Variants in RPGRIP1 observed in about 807,000 individuals in gnomAD.
The protein encoded by RPGRIP1 is X-linked retinitis pigmentosa GTPase regulator-interacting protein 1.
RPGRIP1 carries 128 observed loss-of-function variants against 157.9 expected under a neutral mutation model. That is an observed-to-expected ratio of 0.81 (90% CI 0.70 to 0.94). The LOEUF (loss-of-function observed/expected upper bound fraction) is 0.94, where lower values mean the gene tolerates loss of function less well. RPGRIP1 is among the 40% of genes least tolerant of loss of function. The pLI, the probability that RPGRIP1 is intolerant of heterozygous loss-of-function variation, is 0.00. For missense variants in RPGRIP1, 1,486 were observed against 1,545.8 expected (o/e 0.96, Z 0.65); for synonymous variants, 554 against 571.6 (o/e 0.97, Z 0.44).
In RPGRIP1 at chr14:21,350,387, A is replaced by ACAAAC. The variant is rs1555307762; in HGVS notation, c.3749-717_3749-716insCAAAC. Among the ~76,000 whole-genome samples, 17 of 16,626 alleles carry ACAAAC rather than the reference A, an allele frequency of 1.0e-3. 1 individual carries two copies. The highest frequency in any genetic ancestry group is 2.2e-3 in the Non-Finnish European group (10 of 4,636). The allele number at this position is 16,626 out of a possible 152,430, so 10.9% of individuals were successfully genotyped here. ...CAAGACTCTGTCTCCAAAAAAAAAAAAAAAAAAAAGAAAACAGGAATTAAG... is the reference window on the plus strand; with the variant it reads ...CAAGACTCTGTCTCCAAAAAAAAAAACAAACAAAAAAAAAGAAAACAGGAATTAAG... On this transcript the variant is annotated intron_variant, in intron 24 of 24. Transcript: ENST00000400017.
chr14:21,313,760 C>A (rs1881642712), intron 10 of RPGRIP1, among the ~76,000 whole-genome samples: 2 of 150,242 alleles, frequency 1.3e-5, no homozygotes, highest in South Asian at 2.1e-4. Flanking sequence ...TGGACTTCAG[C>A]CTGGGTGGCA....
chr14:21,308,485 T>C (rs945526586), intron 7 of RPGRIP1, among the ~76,000 whole-genome samples: 1 of 151,982 alleles, frequency 6.6e-6, no homozygotes, highest in Non-Finnish European at 1.5e-5. Flanking sequence ...AGAAAACAAG[T>C]AAACAAATTC....
intron 2 of RPGRIP1, among the ~76,000 whole-genome samples, chr14:21,291,000 CA>C (rs34237756): frequency 0.011 from 1,000 of 90,278 alleles, 6 homozygotes; most frequent in African/African-American, 0.036. Context: ...GACTCCATCT[CA>C]AAAAAAAAAA....
chr14:21,327,326 C>A (rs951581903), intron 17 of RPGRIP1, among the ~76,000 whole-genome samples: 2 of 152,122 alleles, frequency 1.3e-5, no homozygotes, highest in Admixed American at 6.6e-5. Flanking sequence ...AATAATGCAG[C>A]CTTGTTCATT....
chr14:21,317,901 G>A (rs1285403549), intron 11 of RPGRIP1, 51 bp downstream of exon 11: 4 of 1,483,352 alleles, frequency 2.7e-6, no homozygotes, highest in African/African-American at 2.8e-5. Context: ...TCTACCTCTG[G>A]TTTGGGAGAA....
rs372615343 is a variant in RPGRIP1, at chr14:21,307,738, A to T, written c.808A>T (p.Ile270Phe). 6.4e-7 allele frequency: 1 copy of T among 1,557,168 alleles called. No individual in the cohort carries two copies. Among genetic ancestry groups the T allele is most frequent in the Non-Finnish European group, 8.7e-7 (1 of 1,147,846 alleles). Residue 270 changes from isoleucine (I) to phenylalanine (F), a missense_variant, in exon 7 of 25, where the codon ATT becomes TTT. Transcript: ENST00000400017. ...TAGCGCCTTTCTCTGCAGAGCTTCC[A>T]TTAAAGAGAAGGTAGAGCTGATTCG... ...AQKAAELRAS[I>F]KEKVELIRLK...
At chr14:21,316,922 C>T (rs960784144) in intron 10 of RPGRIP1, among the ~76,000 whole-genome samples, 2 of 151,898 alleles carry the variant, frequency 1.3e-5, no homozygotes, top group African/African-American at 4.8e-5. Context: ...GAGTTCAAGA[C>T]CAGCACAGCC....
At chr14:21,288,706 G>T (rs997608656) in intron 2 of RPGRIP1, among the ~76,000 whole-genome samples, 31 of 146,178 alleles carry the variant, frequency 2.1e-4, no homozygotes, top group African/African-American at 7.4e-4. Context: ...TACAGATGGG[G>T]TTTCACCATG....
chr14:21,334,717 G>A lies in RPGRIP1; in HGVS notation c.3339+12G>A, dbSNP rs377219564. 4.1e-5 allele frequency: 62 copies of A among 1,497,290 alleles called. No individual in the cohort carries two copies. Among genetic ancestry groups the A allele is most frequent in the Non-Finnish European group, 5.3e-5 (58 of 1,085,784 alleles). 92.8% of individuals were successfully genotyped at this position (1,497,290 alleles called of 1,614,324 possible). On this transcript the variant is annotated intron_variant, in intron 21 of 24. Transcript: ENST00000400017. ...AATATCCTAAGGCAGTAAGTACACT[G>A]GAGTAATCATTGCATACGAGATAAG... is the stretch of plus-strand genomic sequence containing the variant.
At chr14:21,283,715 T>C (rs1439773438) in intron 1 of RPGRIP1, among the ~76,000 whole-genome samples, 1 of 151,906 alleles carries the variant, frequency 6.6e-6, no homozygotes, top group East Asian at 1.9e-4. Context: ...TGGAGTGCAG[T>C]GGCACGATCT....
intron 13 of RPGRIP1, among the ~76,000 whole-genome samples, 162 bp from the exon 14 acceptor site, chr14:21,321,692 A>G (rs1445945153): frequency 1.3e-5 from 2 of 152,190 alleles, no homozygotes; most frequent in Non-Finnish European, 2.9e-5. Flanking sequence ...TGATAGCACA[A>G]CTAGTCTTGG....
At chr14:21,348,704 C>T (rs528616243) in intron 24 of RPGRIP1, among the ~76,000 whole-genome samples, 91 of 137,254 alleles carry the variant, frequency 6.6e-4, no homozygotes, top group Non-Finnish European at 1.1e-3. Flanking sequence ...CTCACTCTGT[C>T]GCCCAGGCTG....
chr14:21,307,300 C>T (rs111979916), intron 6 of RPGRIP1, among the ~76,000 whole-genome samples: 4 of 152,140 alleles, frequency 2.6e-5, no homozygotes, highest in South Asian at 2.1e-4. Flanking sequence ...GCCATCTGCC[C>T]GCCTCAGCCT....
Position 21,324,760 on chromosome 14 carries a change from C to A in RPGRIP1, c.1905C>A (p.Ala635=). 2 of 1,614,066 alleles carry A rather than the reference C, an allele frequency of 1.2e-6. No homozygotes were observed. The highest frequency in any genetic ancestry group is 1.7e-6 in the Non-Finnish European group (2 of 1,179,904). The part of the protein sequence containing the change: ...ENLFELHIHQ[A]FLTSAALAQA... ...TTTTTGAACTGCACATCCACCAGGC[C>A]TTCCTGACATCTGCCGCCCTAGCTC... The change falls in exon 15 of 25, where the codon GCC becomes GCA. Residue 635 remains alanine (A), a synonymous_variant. Coordinates refer to ENST00000400017, the MANE Select transcript of RPGRIP1 (RefSeq NM_020366.4).
intron 23 of RPGRIP1, among the ~76,000 whole-genome samples, chr14:21,347,937 G>C (rs1885731770): frequency 6.6e-6 from 1 of 152,054 alleles, no homozygotes; most frequent in African/African-American, 2.4e-5. Context: ...ATGTTACCCA[G>C]GCTGGTCTTG....
chr14:21,317,882 G>A lies in RPGRIP1; in HGVS notation c.1306+32G>A, dbSNP rs149665600. The A allele has an allele frequency of 1.5e-4, 237 of 1,565,970 alleles. No individual in the cohort carries two copies. The African/African-American group carries it at 3.0e-3, about 20-fold the overall frequency. On this transcript the variant is annotated intron_variant, in intron 11 of 24. Coordinates refer to ENST00000400017, the MANE Select transcript of RPGRIP1 (RefSeq NM_020366.4). The stretch of plus-strand genomic sequence containing the variant: ...TGGACCTTGAAGAGCTCTCTCAAAT[G>A]TGGCATCCTCTACCTCTGGTTTGGG...
Position 21,334,670 on chromosome 14 carries a change from A to G in RPGRIP1, c.3304A>G (p.Ile1102Val). 1 of 1,608,682 alleles carries G rather than the reference A, an allele frequency of 6.2e-7. No homozygotes were observed. The highest frequency in any genetic ancestry group is 1.1e-5 in the South Asian group (1 of 90,004). The change falls in exon 21 of 25, where the codon ATA (isoleucine) becomes GTA (valine). Residue 1102 changes from isoleucine (I) to valine (V), a missense_variant. By Grantham distance (29) the Ile-to-Val change is conservative. Transcript: ENST00000400017. ...EAQTTDSDDV[I>V]VPPMSQKYPK... ...ACAAACTACCGACAGTGATGATGTC[A>G]TAGTGCCACCCATGTCTCAGAAATA...
intron 2 of RPGRIP1, among the ~76,000 whole-genome samples, chr14:21,293,706 G>A (rs936580372): frequency 5.9e-5 from 9 of 152,000 alleles, no homozygotes; most frequent in Non-Finnish European, 1.0e-4. Context: ...GAGAAACCCC[G>A]TCTCTACTAA....
At chr14:21,319,871 C>T (rs1055372735) in intron 11 of RPGRIP1, 146 bp from the exon 12 acceptor site, 8 of 822,628 alleles carry the variant, frequency 9.7e-6, no homozygotes, top group Non-Finnish European at 1.5e-5. Context: ...CTAGAGTCCT[C>T]CTCTGTAGAA....
Sources: gnomAD v4.1 joint callset for allele counts (sites outside exome capture counted in the v4.1 genomes callset) on GRCh38, gnomAD v4.1.1 for gene constraint, MANE v1.5 for transcripts, NCBI Gene and HGNC (gene_info 2026-07-23, HGNC 2026-07-21) for gene names.